FMN1: variants seen among roughly 807,000 people sequenced by gnomAD.
FMN1 encodes formin-1.
Under a neutral mutation model 132.4 loss-of-function variants are expected in FMN1, and 110 were observed. The ratio of observed to expected loss-of-function variants is 0.83; its 90% CI spans 0.71 to 0.97. The LOEUF (loss-of-function observed/expected upper bound fraction) is 0.97, where lower values mean the gene tolerates loss of function less well. Among genes scored for constraint, FMN1 ranks in the 50% least tolerant of loss-of-function variants. FMN1 has a pLI of 0.00. For missense variants in FMN1, 1,792 were observed against 1,705.3 expected (o/e 1.05, Z -0.90); for synonymous variants, 722 against 651.7 (o/e 1.11, Z -1.64).
intron 4 of FMN1, among the ~76,000 whole-genome samples, chr15:33,147,667 G>C (rs1440418313): frequency 6.6e-6 from 1 of 152,158 alleles, no homozygotes; most frequent in East Asian, 1.9e-4. Context: ...TCTGGCCATG[G>C]TCCTGGCCTT....
chr15:32,954,803 G>T (rs970336348), intron 9 of FMN1, among the ~76,000 whole-genome samples: 4 of 152,038 alleles, frequency 2.6e-5, no homozygotes, highest in African/African-American at 7.2e-5. Context: ...GTCAGTAGTT[G>T]GAGACTAGCC....
chr15:33,054,886 A>C (rs2037145510), intron 6 of FMN1, among the ~76,000 whole-genome samples: 1 of 152,232 alleles, frequency 6.6e-6, no homozygotes, highest in Admixed American at 6.5e-5. Flanking sequence ...GAGAGTAACC[A>C]AGGAACAAGG....
chr15:33,071,785 A>T (rs1288926885), intron 5 of FMN1, among the ~76,000 whole-genome samples: 1 of 152,214 alleles, frequency 6.6e-6, no homozygotes, highest in Non-Finnish European at 1.5e-5. Flanking sequence ...AGGGAATGAG[A>T]GTGTTTCAGA....
chr15:32,867,440 A>G (rs543754186), intron 16 of FMN1, among the ~76,000 whole-genome samples: 1 of 151,230 alleles, frequency 6.6e-6, no homozygotes, highest in South Asian at 2.1e-4. Flanking sequence ...ACTCTCCTTC[A>G]CTTCCTAGTA....
chr15:33,144,531 G>A (rs1202323042), intron 4 of FMN1, among the ~76,000 whole-genome samples: 3 of 151,542 alleles, frequency 2.0e-5, no homozygotes, highest in African/African-American at 7.3e-5. Context: ...CAGGCTACTC[G>A]GGAGGCTGAG....
intron 17 of FMN1, chr15:32,810,899 G>T (rs995685553): frequency 2.2e-6 from 1 of 453,334 alleles, no homozygotes; most frequent in Non-Finnish European, 4.4e-6. Context: ...GCACAGTTAA[G>T]AAGTTGTTTT....
chr15:32,918,018 T>C (rs541733206), intron 10 of FMN1, among the ~76,000 whole-genome samples: 2 of 152,310 alleles, frequency 1.3e-5, no homozygotes, highest in South Asian at 2.1e-4. Flanking sequence ...TGCAATGAAA[T>C]GATTAAGCTT....
chr15:32,963,008 ACTATAAATCATGCTG>A (rs2030761660), intron 9 of FMN1, among the ~76,000 whole-genome samples: 1 of 141,700 alleles, frequency 7.1e-6, no homozygotes, highest in South Asian at 2.3e-4. Flanking sequence ...TACCCAAAGG[ACTATAAATCATGCTG>A]CTATAAAGAC....
chr15:33,181,386 A>G (rs1464300708), intron 2 of FMN1, among the ~76,000 whole-genome samples: 1 of 152,182 alleles, frequency 6.6e-6, no homozygotes, highest in East Asian at 1.9e-4. Flanking sequence ...ATCCTCTTCC[A>G]TGCCCTTTGG....
chr15:33,162,919 C>G (rs977837374), intron 3 of FMN1, among the ~76,000 whole-genome samples: 2 of 150,698 alleles, frequency 1.3e-5, no homozygotes, highest in Non-Finnish European at 3.0e-5. Flanking sequence ...GAGATTGAGA[C>G]CAGCCTGGTC....
chr15:32,804,527 A>T lies in FMN1; in HGVS notation c.3929-195T>A, dbSNP rs1446377410. 7.5e-4 allele frequency among the ~76,000 whole-genome samples: 76 copies of T among 100,814 alleles called. No individual in the cohort carries two copies. In the East Asian group the frequency reaches 9.1e-3, roughly 12 times the overall value. 66.1% of individuals were successfully genotyped at this position (100,814 alleles called of 152,430 possible). ...TGCTACCACTGCTTTTTTTTTTTTT[A>T]AATTATACTAAGTTCTAGGGTACAT... On this transcript the variant is annotated intron_variant, in intron 17 of 20. Transcript: ENST00000616417.
At chr15:32,777,484 A>G (rs919737406) in intron 19 of FMN1, among the ~76,000 whole-genome samples, 11 of 147,344 alleles carry the variant, frequency 7.5e-5, no homozygotes, top group Non-Finnish European at 1.5e-4. Context: ...TATATATTAT[A>G]TTTATATATT....
At chr15:33,070,639 G>T (rs922802931) in intron 5 of FMN1, among the ~76,000 whole-genome samples, 1 of 152,046 alleles carries the variant, frequency 6.6e-6, no homozygotes, top group Non-Finnish European at 1.5e-5. Flanking sequence ...GAGATTATCT[G>T]ATTTCATCCC....
At position 32,773,670 on chromosome 15, in the gene FMN1, T is replaced by C. The variant is rs529635601; in HGVS notation, c.*640A>G. ...TCTCCAGGATGAAGTTTATGGCTAT[T>C]TGTCTCCCTCTCTCCACCCAGGTAT... On this transcript the variant is annotated 3_prime_UTR_variant, in exon 21 of 21. Transcript: ENST00000616417. 6.6e-6 allele frequency: 1 copy of C among 152,452 alleles called. No individual in the cohort carries two copies. The highest frequency in any genetic ancestry group is 1.5e-5 in the Non-Finnish European group (1 of 68,112). The allele number at this position is 152,452 out of a possible 1,614,324, so 9.4% of individuals were successfully genotyped here. A position where few individuals can be genotyped will look rare whatever the true frequency, so the allele number is the denominator to read the frequency against.
chr15:32,846,182 A>T (rs1475847416), intron 17 of FMN1, among the ~76,000 whole-genome samples: 1 of 152,230 alleles, frequency 6.6e-6, no homozygotes, highest in Non-Finnish European at 1.5e-5. Flanking sequence ...CATGCTAAGT[A>T]TTCTTACTAA....
At chr15:32,902,372 A>G (rs1252521142) in intron 12 of FMN1, among the ~76,000 whole-genome samples, 3 of 152,330 alleles carry the variant, frequency 2.0e-5, no homozygotes, top group African/African-American at 7.2e-5. Context: ...CCCAGTCTTT[A>G]ACACACGAGA....
intron 4 of FMN1, among the ~76,000 whole-genome samples, chr15:33,145,390 T>A (rs916253167): frequency 6.6e-6 from 1 of 151,832 alleles, no homozygotes; most frequent in South Asian, 2.1e-4. Context: ...GCACCTCCAA[T>A]AGGGACACTG....
chr15:32,864,127 C>T (rs751410968), intron 16 of FMN1, among the ~76,000 whole-genome samples: 3 of 152,008 alleles, frequency 2.0e-5, no homozygotes, highest in Non-Finnish European at 4.4e-5. Context: ...TTTTATAAGG[C>T]CATATAGAAA....
chr15:33,053,805 C>T (rs2037091094), intron 6 of FMN1, among the ~76,000 whole-genome samples: 1 of 152,200 alleles, frequency 6.6e-6, no homozygotes, highest in Non-Finnish European at 1.5e-5. Flanking sequence ...GGAGCTGAGG[C>T]ATGCTACTTT....
Sources: gnomAD v4.1 joint callset for allele counts (sites outside exome capture counted in the v4.1 genomes callset) on GRCh38, gnomAD v4.1.1 for gene constraint, MANE v1.5 for transcripts, NCBI Gene and HGNC (gene_info 2026-07-23, HGNC 2026-07-21) for gene names.